CTNNA3: variants seen among roughly 807,000 people sequenced by gnomAD.
The protein encoded by CTNNA3 is catenin alpha 3.
Under a neutral mutation model 95.7 loss-of-function variants are expected in CTNNA3, and 76 were observed. The ratio of observed to expected loss-of-function variants is 0.79; its 90% CI spans 0.66 to 0.96. The LOEUF (loss-of-function observed/expected upper bound fraction) is 0.96. CTNNA3 is among the 40% of genes least tolerant of loss of function. The pLI is 0.00. For missense variants in CTNNA3, 1,191 were observed against 1,089.8 expected (o/e 1.09, Z -1.31); for synonymous variants, 431 against 374.4 (o/e 1.15, Z -1.74).
intron 16 of CTNNA3, among the ~76,000 whole-genome samples, chr10:65,970,800 G>A (rs2078080940): frequency 6.7e-6 from 1 of 150,204 alleles, no homozygotes; most frequent in Non-Finnish European, 1.5e-5. Context: ...TGATGATAAA[G>A]GGTTGAATTC....
intron 11 of CTNNA3, among the ~76,000 whole-genome samples, chr10:66,420,127 C>T (rs2093179234): frequency 6.6e-6 from 1 of 152,132 alleles, no homozygotes; most frequent in African/African-American, 2.4e-5. Context: ...ATACTTCAAA[C>T]TATCTGACAA....
At chr10:67,759,589 A>G (rs1228198980) in intron 1 of CTNNA3, among the ~76,000 whole-genome samples, 1 of 152,144 alleles carries the variant, frequency 6.6e-6, no homozygotes, top group East Asian at 1.9e-4. Context: ...CAAGATTCCC[A>G]CCCCTGCTGT....
At chr10:66,845,687 C>T (rs1490686741) in intron 7 of CTNNA3, among the ~76,000 whole-genome samples, 1 of 26,904 alleles carries the variant, frequency 3.7e-5, no homozygotes, top group East Asian at 6.2e-4. Flanking sequence ...TGGGTAACAA[C>T]AGCAAAACTC....
chr10:66,197,977 T>C (rs2087072099), intron 13 of CTNNA3, among the ~76,000 whole-genome samples: 2 of 152,082 alleles, frequency 1.3e-5, no homozygotes. Context: ...AAATCATTAG[T>C]AAGTGACTCA....
chr10:67,740,087 A>G (rs1475868287), intron 1 of CTNNA3, among the ~76,000 whole-genome samples: 2 of 152,150 alleles, frequency 1.3e-5, no homozygotes, highest in African/African-American at 4.8e-5. Flanking sequence ...AATGGTGCTG[A>G]GAAAACTGGC....
chr10:67,476,787 C>A (rs1848031884), intron 5 of CTNNA3, among the ~76,000 whole-genome samples: 1 of 151,418 alleles, frequency 6.6e-6, no homozygotes, highest in Admixed American at 6.6e-5. Flanking sequence ...CCCTGCATAT[C>A]TCCAGGCATT....
intron 7 of CTNNA3, among the ~76,000 whole-genome samples, chr10:67,156,325 T>C (rs1049895458): frequency 6.6e-6 from 1 of 152,078 alleles, no homozygotes; most frequent in Non-Finnish European, 1.5e-5. Context: ...TCTACTAACT[T>C]TGGGCTTAAT....
intron 15 of CTNNA3, among the ~76,000 whole-genome samples, chr10:66,058,640 T>C (rs961669992): frequency 6.6e-6 from 1 of 152,146 alleles, no homozygotes; most frequent in Non-Finnish European, 1.5e-5. Context: ...CCCTATTTGA[T>C]CCACATATTC....
intron 11 of CTNNA3, among the ~76,000 whole-genome samples, chr10:66,399,348 A>T (rs2093002631): frequency 6.6e-6 from 1 of 151,868 alleles, no homozygotes; most frequent in Non-Finnish European, 1.5e-5. Flanking sequence ...TTTAAGAAAG[A>T]AACTGATCAC....
intron 13 of CTNNA3, among the ~76,000 whole-genome samples, chr10:66,181,789 A>G (rs1461165262): frequency 2.0e-5 from 3 of 152,168 alleles, no homozygotes; most frequent in African/African-American, 7.2e-5. Flanking sequence ...GAAGAGATTA[A>G]ATCTACCTCC....
chr10:66,155,647 G>A (rs1348205617), intron 13 of CTNNA3, among the ~76,000 whole-genome samples: 2 of 151,710 alleles, frequency 1.3e-5, no homozygotes. Flanking sequence ...GTGGATATAT[G>A]TATGAGAAAA....
intron 7 of CTNNA3, among the ~76,000 whole-genome samples, chr10:67,179,718 T>A (rs1360039516): frequency 3.3e-5 from 5 of 151,924 alleles, no homozygotes; most frequent in Non-Finnish European, 5.9e-5. Context: ...TCCAAGCTAC[T>A]TGGGAGGCTG....
chr10:66,321,440 C>G (rs2092184175), intron 12 of CTNNA3, among the ~76,000 whole-genome samples: 1 of 151,946 alleles, frequency 6.6e-6, no homozygotes, highest in South Asian at 2.1e-4. Flanking sequence ...CTTAACTGTG[C>G]AATTAAAGTG....
At chr10:66,753,400 T>C (rs376798379) in intron 9 of CTNNA3, among the ~76,000 whole-genome samples, 22 of 152,058 alleles carry the variant, frequency 1.4e-4, no homozygotes, top group African/African-American at 5.1e-4. Context: ...CGGTGACTCA[T>C]ACCTGTAATC....
chr10:67,467,785 AC>A (rs1847653220), intron 5 of CTNNA3, among the ~76,000 whole-genome samples: 1 of 151,966 alleles, frequency 6.6e-6, no homozygotes, highest in Admixed American at 6.6e-5. Context: ...ATCATGGCTC[AC>A]TGCAGCCTCG....
chr10:67,750,937 C>G, intron 1 of CTNNA3: 1 of 1,609,278 alleles, frequency 6.2e-7, no homozygotes, highest in Non-Finnish European at 8.5e-7. Context: ...TCCGGATAGA[C>G]TTTGGGCCAA....
intron 3 of CTNNA3, among the ~76,000 whole-genome samples, chr10:67,567,300 A>G (rs544241342): frequency 8.5e-5 from 13 of 152,110 alleles, no homozygotes; most frequent in African/African-American, 3.1e-4. Context: ...CAAATTGGAT[A>G]GAACTGGGTA....
intron 7 of CTNNA3, among the ~76,000 whole-genome samples, chr10:67,063,099 G>A (rs934865285): frequency 6.6e-6 from 1 of 151,986 alleles, no homozygotes; most frequent in Non-Finnish European, 1.5e-5. Flanking sequence ...AACCCTGACC[G>A]ATGCAGTATG....
At chr10:67,080,239 T>G (rs1036417107) in intron 7 of CTNNA3, among the ~76,000 whole-genome samples, 26 of 152,196 alleles carry the variant, frequency 1.7e-4, no homozygotes, top group African/African-American at 5.5e-4. Flanking sequence ...TGGATTGGGT[T>G]TTGAAATGGT....
Sources: allele counts gnomAD v4.1 joint callset (sites outside exome capture counted in the v4.1 genomes callset), GRCh38; gene constraint gnomAD v4.1.1; transcripts MANE v1.5; gene names NCBI Gene and HGNC (gene_info 2026-07-23, HGNC 2026-07-21).